DNER: variants seen among roughly 807,000 people sequenced by gnomAD.
DNER encodes delta and Notch-like epidermal growth factor-related receptor.
DNER carries 33 observed loss-of-function variants against 78.2 expected under a neutral mutation model. The ratio of observed to expected loss-of-function variants is 0.42; its 90% CI spans 0.32 to 0.56. The LOEUF (loss-of-function observed/expected upper bound fraction) is 0.56, where lower values mean the gene tolerates loss of function less well. Among genes scored for constraint, DNER ranks in the 20% least tolerant of loss-of-function variants. DNER has a pLI of 0.11. For missense variants in DNER, 918 were observed against 975.3 expected (o/e 0.94, Z 0.78); for synonymous variants, 417 against 384.8 (o/e 1.08, Z -0.98).
At chr2:229,686,448 A>C (rs1400921856) in intron 1 of DNER, among the ~76,000 whole-genome samples, 2 of 152,170 alleles carry the variant, frequency 1.3e-5, no homozygotes, top group Non-Finnish European at 2.9e-5. Context: ...GGCCAACCTG[A>C]CTTAGCCTGG....
intron 8 of DNER, among the ~76,000 whole-genome samples, chr2:229,442,201 C>A (rs558165686): frequency 2.8e-4 from 43 of 152,234 alleles, no homozygotes; most frequent in African/African-American, 1.0e-3. Context: ...TCAGAAACCC[C>A]CTACAGCATG....
At chr2:229,585,544 C>T (rs1697479820) in intron 4 of DNER, among the ~76,000 whole-genome samples, 2 of 151,730 alleles carry the variant, frequency 1.3e-5, no homozygotes, top group South Asian at 4.2e-4. Flanking sequence ...CCTGTAGCCC[C>T]AGTTGCTCAG....
intron 8 of DNER, among the ~76,000 whole-genome samples, chr2:229,429,803 T>C (rs1247482700): frequency 6.6e-6 from 1 of 152,210 alleles, no homozygotes; most frequent in Non-Finnish European, 1.5e-5. Context: ...AAACAGCCTG[T>C]TTATGTTTGG....
chr2:229,479,299 T>A (rs2154211387), intron 6 of DNER, among the ~76,000 whole-genome samples: 1 of 152,288 alleles, frequency 6.6e-6, no homozygotes, highest in East Asian at 1.9e-4. Flanking sequence ...CGCCTAAGGT[T>A]ACACTTAAGG....
At chr2:229,420,175 T>C (rs989449943) in intron 8 of DNER, among the ~76,000 whole-genome samples, 5 of 152,004 alleles carry the variant, frequency 3.3e-5, no homozygotes, top group Admixed American at 2.0e-4. Flanking sequence ...GTTTTAACAC[T>C]ACAACAGAGG....
chr2:229,681,759 C>A (rs1377079910), intron 1 of DNER, among the ~76,000 whole-genome samples: 1 of 151,406 alleles, frequency 6.6e-6, no homozygotes, highest in Admixed American at 6.6e-5. Flanking sequence ...TGAATCCTCA[C>A]CCCAAAATCT....
chr2:229,539,977 A>G (rs1696480654), intron 5 of DNER, among the ~76,000 whole-genome samples: 1 of 152,244 alleles, frequency 6.6e-6, no homozygotes, highest in Non-Finnish European at 1.5e-5. Context: ...TCCAGAGCCT[A>G]GAGGGTACCA....
intron 10 of DNER, among the ~76,000 whole-genome samples, chr2:229,399,409 G>A (rs1380412082): frequency 2.0e-5 from 3 of 151,730 alleles, no homozygotes; most frequent in Admixed American, 2.0e-4. Flanking sequence ...CTAAATAAGT[G>A]GAGAGTCACA....
intron 11 of DNER, among the ~76,000 whole-genome samples, chr2:229,375,907 AAG>A (rs1171379356): frequency 6.6e-6 from 1 of 152,154 alleles, no homozygotes; most frequent in African/African-American, 2.4e-5. Context: ...AGACAGGTGG[AAG>A]TAACTGAATC....
chr2:229,419,188 G>C (rs1693712111), intron 8 of DNER, among the ~76,000 whole-genome samples: 1 of 152,116 alleles, frequency 6.6e-6, no homozygotes, highest in South Asian at 2.1e-4. Context: ...TTGATAAAGT[G>C]GATTTTACCC....
intron 8 of DNER, among the ~76,000 whole-genome samples, chr2:229,419,992 CACA>C (rs1239088944): frequency 2.7e-5 from 4 of 149,642 alleles, no homozygotes; most frequent in African/African-American, 7.4e-5. Flanking sequence ...GACAGCCTCT[CACA>C]ACAAGACTAT....
chr2:229,617,407 A>C (rs1158850161), intron 1 of DNER, among the ~76,000 whole-genome samples: 3 of 152,326 alleles, frequency 2.0e-5, no homozygotes, highest in South Asian at 2.1e-4. Flanking sequence ...TAGACAATGA[A>C]ATATTAATTA....
At position 229,405,221 on chromosome 2, in the gene DNER, A is replaced by G. The variant is rs143271199; in HGVS notation, c.1723+2011T>C. ...TACAAATTTAAACAACACTAAAATG[A>G]TATTTTTGACCACTAGAATGACAAT... On this transcript the variant is annotated intron_variant, in intron 10 of 12. Transcript: ENST00000341772. Among the ~76,000 whole-genome samples the G allele has an allele frequency of 2.0e-3, 301 of 152,312 alleles. 2 individuals carry two copies. Among genetic ancestry groups the G allele is most frequent in the African/African-American group, 6.9e-3 (287 of 41,580 alleles).
At chr2:229,622,556 T>TGTAA (rs146946336) in intron 1 of DNER, among the ~76,000 whole-genome samples, 3,242 of 146,958 alleles carry the variant, frequency 0.022, 44 homozygotes, top group Middle Eastern at 0.034. Context: ...AGCCACGGAC[T>TGTAA]GTGTTACAAG....
intron 4 of DNER, among the ~76,000 whole-genome samples, chr2:229,564,642 A>G (rs1337357070): frequency 6.7e-6 from 1 of 148,198 alleles, no homozygotes; most frequent in Admixed American, 6.7e-5. Flanking sequence ...TCCTCACCCC[A>G]TCACCACCAT....
intron 5 of DNER, among the ~76,000 whole-genome samples, chr2:229,516,144 C>T (rs1695965980): frequency 6.6e-6 from 1 of 152,108 alleles, no homozygotes; most frequent in Non-Finnish European, 1.5e-5. Flanking sequence ...ATATTCATGA[C>T]CATAAAATTT....
intron 1 of DNER, among the ~76,000 whole-genome samples, chr2:229,645,903 GCA>G (rs935389321): frequency 3.3e-5 from 5 of 152,160 alleles, no homozygotes; most frequent in African/African-American, 1.2e-4. Context: ...ACAACTATAT[GCA>G]CACAGTCCTG....
At chr2:229,486,543 A>G (rs535162355) in intron 6 of DNER, among the ~76,000 whole-genome samples, 1 of 152,266 alleles carries the variant, frequency 6.6e-6, no homozygotes, top group African/African-American at 2.4e-5. Context: ...GAGAGAGCTC[A>G]TTAAGAGGTT....
chr2:229,521,311 G>A (rs527280242), intron 5 of DNER, among the ~76,000 whole-genome samples: 11 of 152,154 alleles, frequency 7.2e-5, no homozygotes, highest in South Asian at 2.1e-4. Flanking sequence ...TGTCCTGGCC[G>A]ACTCATGTAA....
Sources: allele counts gnomAD v4.1 joint callset (sites outside exome capture counted in the v4.1 genomes callset), GRCh38; gene constraint gnomAD v4.1.1; transcripts MANE v1.5; gene names NCBI Gene and HGNC (gene_info 2026-07-23, HGNC 2026-07-21).